Variants in CPNE7 observed in about 807,000 individuals in gnomAD.
CPNE7 encodes the protein copine 7.
In CPNE7, 78 loss-of-function variants were observed where a neutral mutation model predicts 66.5. The observed-to-expected ratio is 1.17, with a 90% CI of 0.98 to 1.42. The LOEUF is 1.42. CPNE7 is among the 40% of genes most tolerant of loss of function. CPNE7 has a pLI of 0.00. For synonymous variants in CPNE7, 468 were observed against 336.7 expected, an observed-to-expected ratio of 1.39 and a Z score of -4.27; for missense variants, 1,012 against 776.6, an observed-to-expected ratio of 1.30 and a Z score of -3.60.
rs540626768 is a variant in CPNE7 at position 89,576,177 on chromosome 16, C to T, written c.174+106C>T. The stretch of plus-strand genomic sequence containing the variant: ...GCGCTGAGGCCAGTGGGGCGCAAGG[C>T]GGGGCCCCCCGGAGCTGGGGCTCAG... On this transcript the variant is annotated intron_variant, in intron 1 of 14. Coordinates refer to ENST00000319518, the MANE Select transcript of CPNE7 (RefSeq NM_153636.3). The T allele has an allele frequency of 4.8e-4, 461 of 969,776 alleles. 2 individuals carry two copies. The African/African-American group carries it at 7.4e-3, about 16-fold the overall frequency. The allele number at this position is 969,776 out of a possible 1,614,324, so 60.1% of individuals were successfully genotyped here.
intron 11 of CPNE7, 101 bp from the exon 12 acceptor site, chr16:89,590,906 A>G: frequency 2.8e-6 from 3 of 1,064,606 alleles, no homozygotes; most frequent in Non-Finnish European, 3.8e-6. Context: ...TGACTGGGGG[A>G]CATGGGGGCT....
Position 89,577,952 on chromosome 16 carries a change from G to A in CPNE7, c.357+231G>A, listed in dbSNP as rs138603763. ...CTGAAGGTATAAAAGGCTGTGGAGCGCCTCCATCCTGCCCCATCCAGCTGC... is the reference window on the plus strand; with the variant it reads ...CTGAAGGTATAAAAGGCTGTGGAGCACCTCCATCCTGCCCCATCCAGCTGC... On this transcript the variant is annotated intron_variant, in intron 2 of 14. Coordinates refer to ENST00000319518, the MANE Select transcript of CPNE7 (RefSeq NM_153636.3). Among the ~76,000 whole-genome samples, 578 of 152,306 alleles carry A rather than the reference G, an allele frequency of 3.8e-3. 5 individuals carry two copies. The highest frequency in any genetic ancestry group is 5.9e-3 in the African/African-American group (247 of 41,542).
rs539939978 is a variant in CPNE7, at chr16:89,587,721, C to T, written c.927+619C>T. The T allele has an allele frequency of 6.2e-3, 1,216 of 194,654 alleles. 90 individuals carry two copies. Among genetic ancestry groups the T allele is most frequent in the South Asian group, 0.028 (710 of 24,924 alleles). The allele number at this position is 194,654 out of a possible 1,614,324, so 12.1% of individuals were successfully genotyped here. A position where few individuals can be genotyped will look rare whatever the true frequency, so the allele number is the denominator to read the frequency against. On this transcript the variant is annotated intron_variant, in intron 9 of 14. Transcript: ENST00000319518. ...CACCCCGTGTCACCCCCATAGCACC[C>T]CCGTGTCACCCACAGATACACGGCC...
intron 9 of CPNE7, 27 bp downstream of exon 9, chr16:89,587,129 G>GC (rs779783261): frequency 4.3e-6 from 5 of 1,152,684 alleles, no homozygotes; most frequent in Non-Finnish European, 5.6e-6. Context: ...GCCCCATGCC[G>GC]CCCCCTCAGT....
intron 12 of CPNE7, 23 bp downstream of exon 12, chr16:89,591,081 G>C: frequency 6.2e-7 from 1 of 1,613,550 alleles, no homozygotes; most frequent in Non-Finnish European, 8.5e-7. Flanking sequence ...GGCAGGCCTG[G>C]GGAGGGGAGT....
Position 89,587,712 on chromosome 16 carries a change from C to T in CPNE7, c.927+610C>T, listed in dbSNP as rs1255795769. 4 of 323,632 alleles carry T rather than the reference C, an allele frequency of 1.2e-5. 2 individuals are homozygous for T. Among genetic ancestry groups the T allele is most frequent in the Non-Finnish European group, 2.6e-5 (4 of 153,414 alleles). 20.0% of individuals were successfully genotyped at this position (323,632 alleles called of 1,614,324 possible). A position where few individuals can be genotyped will look rare whatever the true frequency, so the allele number is the denominator to read the frequency against. On this transcript the variant is annotated intron_variant, in intron 9 of 14. Coordinates refer to ENST00000319518, the MANE Select transcript of CPNE7 (RefSeq NM_153636.3). ...AGATACGCACACCCCGTGTCACCCC[C>T]ATAGCACCCCCGTGTCACCCACAGA... is the stretch of plus-strand genomic sequence containing the variant.
At chr16:89,589,572 AG>A (rs762903022) in intron 10 of CPNE7, among the ~76,000 whole-genome samples, 1 of 152,124 alleles carries the variant, frequency 6.6e-6, no homozygotes, top group Non-Finnish European at 1.5e-5. Context: ...TGGGTTGGTG[AG>A]GGCCACAGTG....
At chr16:89,588,904 C>G in intron 10 of CPNE7, 96 bp downstream of exon 10, 1 of 1,494,584 alleles carries the variant, frequency 6.7e-7, no homozygotes, top group South Asian at 1.2e-5. Flanking sequence ...GTCTCCAGGT[C>G]AGCTATGACA....
chr16:89,588,820 A>G lies in CPNE7; in HGVS notation c.1061+12A>G, dbSNP rs2059126545. On this transcript the variant is annotated intron_variant, in intron 10 of 14. Coordinates refer to ENST00000319518, the MANE Select transcript of CPNE7 (RefSeq NM_153636.3). Reference sequence around the variant, plus strand: ...CAGGACTATGACAGGTGCGCCCACCACCTTCCCCTCACCCCCTGGTCTCCA... The same window carrying G: ...CAGGACTATGACAGGTGCGCCCACCGCCTTCCCCTCACCCCCTGGTCTCCA... 1.2e-5 allele frequency: 19 copies of G among 1,612,224 alleles called. No homozygotes were observed. The highest frequency in any genetic ancestry group is 1.6e-5 in the Non-Finnish European group (19 of 1,179,584).
rs747058108 is a variant in CPNE7 at position 89,595,525 on chromosome 16, C to T, written c.1461C>T (p.Asp487=). The change falls in exon 14 of 15, where the codon GAC becomes GAT. Residue 487 remains aspartate, a synonymous_variant. Transcript: ENST00000319518. ...ACATGCAGGTCCTGGACGGCGACGA[C>T]GGCGTCCTGCGCTCCCCACGGGGTG... The part of the protein sequence containing the change: ...FTDMQVLDGD[D]GVLRSPRGEP... 1.4e-5 allele frequency: 23 copies of T among 1,612,474 alleles called. No homozygotes were observed. The highest frequency in any genetic ancestry group is 5.0e-5 in the Admixed American group (3 of 59,982).
At chr16:89,585,656 C>A in intron 6 of CPNE7, 31 bp from the exon 7 acceptor site, 2 of 1,553,346 alleles carry the variant, frequency 1.3e-6, no homozygotes, top group Non-Finnish European at 1.7e-6. Context: ...GGCCCCCAGA[C>A]AGCAGTGCTG....
rs200527515 is a variant in CPNE7 at position 89,595,449 on chromosome 16, G to A, written c.1385G>A (p.Arg462His). ...CGGGAGGCCATTGTGCGTGCCTCAC[G>A]CCTGCCCATGTCCATCATCATCGTG... Reference protein sequence around the residue: ...DTREAIVRASRLPMSIIIVGV... With the variant: ...DTREAIVRASHLPMSIIIVGV... Residue 462 changes from arginine to histidine, a missense_variant, in exon 14 of 15, where the codon CGC becomes CAC. Arg to His is a conservative substitution (Grantham distance 29). Transcript: ENST00000319518. 11 of 1,611,984 alleles carry A rather than the reference G, an allele frequency of 6.8e-6. No individual in the cohort carries two copies. The highest frequency in any genetic ancestry group is 2.2e-5 in the East Asian group (1 of 44,872).
At chr16:89,576,130 G>T in intron 1 of CPNE7, 59 bp downstream of exon 1, 3 of 1,224,852 alleles carry the variant, frequency 2.4e-6, no homozygotes, top group Non-Finnish European at 3.1e-6. Context: ...GCCGAGCTGG[G>T]GATGCGGAGA....
Position 89,588,628 on chromosome 16 carries a change from C to G in CPNE7, c.928-47C>G, listed in dbSNP as rs143762062. 1.4e-5 allele frequency: 22 copies of G among 1,609,112 alleles called. No homozygotes were observed. In the African/African-American group the frequency reaches 2.9e-4, roughly 21 times the overall value. On this transcript the variant is annotated intron_variant, in intron 9 of 14. Coordinates refer to ENST00000319518, the MANE Select transcript of CPNE7 (RefSeq NM_153636.3). ...TTTCTCTACCTGTCAGGAGCGGGTTCGGGGAGCCCCGGCCCAGCACAGCTC... is the reference window on the plus strand; with the variant it reads ...TTTCTCTACCTGTCAGGAGCGGGTTGGGGGAGCCCCGGCCCAGCACAGCTC...
chr16:89,588,637 C>G (rs1415874276), intron 9 of CPNE7, 38 bp from the exon 10 acceptor site: 3 of 1,611,010 alleles, frequency 1.9e-6, no homozygotes, highest in Non-Finnish European at 2.5e-6. Context: ...TCGGGGAGCC[C>G]CGGCCCAGCA....
At chr16:89,577,495 G>GT in intron 1 of CPNE7, 44 bp from the exon 2 acceptor site, 1 of 1,543,248 alleles carries the variant, frequency 6.5e-7, no homozygotes, top group Non-Finnish European at 8.8e-7. Flanking sequence ...GGAGCCCGGG[G>GT]TGGAAGCCTC....
At chr16:89,583,593 G>A (rs2058989626) in intron 2 of CPNE7, 104 bp from the exon 3 acceptor site, 2 of 1,605,424 alleles carry the variant, frequency 1.2e-6, no homozygotes, top group South Asian at 1.1e-5. Context: ...TGGGGGATGG[G>A]GAGACAGGAC....
chr16:89,579,254 T>C (rs1052050390), intron 2 of CPNE7, among the ~76,000 whole-genome samples: 26 of 151,238 alleles, frequency 1.7e-4, no homozygotes, highest in Middle Eastern at 3.4e-3. Context: ...ATCGCGCCAC[T>C]GCACACCAGC....
intron 7 of CPNE7, 40 bp from the exon 8 acceptor site, chr16:89,586,630 A>G: frequency 1.3e-6 from 2 of 1,547,850 alleles, no homozygotes; most frequent in Non-Finnish European, 8.9e-7. Flanking sequence ...AGGTGTTCAG[A>G]GCCACCACTC....
Sources: allele counts gnomAD v4.1 joint callset (sites outside exome capture counted in the v4.1 genomes callset), GRCh38; gene constraint gnomAD v4.1.1; transcripts MANE v1.5; gene names NCBI Gene and HGNC (gene_info 2026-07-23, HGNC 2026-07-21).